Variants in NCK1 observed in about 807,000 individuals in gnomAD.
NCK1 encodes SH2/SH3 adapter protein NCK1.
A neutral mutation model predicts 36.6 loss-of-function variants in NCK1; 19 were observed. That is an observed-to-expected ratio of 0.52 (90% confidence interval 0.36 to 0.76). The LOEUF (loss-of-function observed/expected upper bound fraction) is 0.76. Among genes scored for constraint, NCK1 ranks in the 30% least tolerant of loss-of-function variants. NCK1 has a pLI of 0.00. For synonymous variants in NCK1, 165 were observed against 156.0 expected (o/e 1.06, Z -0.43); for missense variants, 358 against 445.6 (o/e 0.80, Z 1.77).
rs1940881904 is a variant in NCK1, at chr3:136,948,326, A to C, written c.1007A>C (p.Glu336Ala). 1 of 1,612,452 alleles carries C rather than the reference A, an allele frequency of 6.2e-7. No individual in the cohort carries two copies. Among genetic ancestry groups the C allele is most frequent in the African/African-American group, 1.3e-5 (1 of 74,844 alleles). ...KNKHFKVQLKETVYCIGQRKF... is the reference protein window; with the variant it reads ...KNKHFKVQLKATVYCIGQRKF... ...AAGCATTTTAAAGTCCAACTAAAAG[A>C]GACTGTCTACTGCATTGGGCAGCGT... The change falls in exon 4 of 4, where the codon GAG becomes GCG. Residue 336 changes from glutamate to alanine, a missense_variant. Transcript: ENST00000481752.
chr3:136,863,092 A>C (rs1262781413), intron 1 of NCK1, among the ~76,000 whole-genome samples: 2 of 152,066 alleles, frequency 1.3e-5, no homozygotes, highest in African/African-American at 2.4e-5. Context: ...AGGGGTGAGG[A>C]CGTAACCGTA....
At chr3:136,875,933 C>A (rs1938753489) in intron 1 of NCK1, among the ~76,000 whole-genome samples, 1 of 152,000 alleles carries the variant, frequency 6.6e-6, no homozygotes. Flanking sequence ...TATAAAAGAA[C>A]AGAAATTATA....
At chr3:136,933,333 A>G (rs1940442100) in intron 2 of NCK1, among the ~76,000 whole-genome samples, 1 of 152,230 alleles carries the variant, frequency 6.6e-6, no homozygotes, top group Non-Finnish European at 1.5e-5. Flanking sequence ...GCTGGCATCC[A>G]GTATATCAAG....
chr3:136,914,200 G>A (rs534425833), intron 1 of NCK1, among the ~76,000 whole-genome samples: 9 of 152,212 alleles, frequency 5.9e-5, no homozygotes, highest in Non-Finnish European at 1.3e-4. Context: ...AGCGCAATTA[G>A]CTGTCAGAGC....
At chr3:136,907,890 C>T (rs1481905489) in intron 1 of NCK1, among the ~76,000 whole-genome samples, 1 of 152,208 alleles carries the variant, frequency 6.6e-6, no homozygotes, top group Non-Finnish European at 1.5e-5. Context: ...TATGTGGCGT[C>T]AGCCTCAGTC....
chr3:136,864,106 A>C (rs1255513441), intron 1 of NCK1, among the ~76,000 whole-genome samples: 1 of 151,602 alleles, frequency 6.6e-6, no homozygotes, highest in Non-Finnish European at 1.5e-5. Flanking sequence ...GTCTCAAAAA[A>C]ATAAATAAAA....
Position 136,945,874 on chromosome 3 carries a change from G to T in NCK1, c.518G>T (p.Gly173Val). The change falls in exon 3 of 4, where the codon GGT becomes GTT. Residue 173 changes from glycine (G) to valine (V), a missense_variant. Gly to Val is a moderately radical substitution (Grantham distance 109, BLOSUM62 -3). Around this residue, in one of 3 missense-constraint regions of NCK1, gnomAD observed 207 missense variants for 253.4 expected, o/e 0.82. Transcript: ENST00000481752. Reference protein sequence around the residue: ...EGDSPLGDHVGSLSEKLAAVV... With the variant: ...EGDSPLGDHVVSLSEKLAAVV... ...GACAGTCCTTTGGGTGACCATGTGGGTTCTCTGTCAGAGAAATTAGCAGCA... is the reference window on the plus strand; with the variant it reads ...GACAGTCCTTTGGGTGACCATGTGGTTTCTCTGTCAGAGAAATTAGCAGCA... The T allele has an allele frequency of 6.2e-7, 1 of 1,614,104 alleles. No homozygotes were observed. Among genetic ancestry groups the T allele is most frequent in the Non-Finnish European group, 8.5e-7 (1 of 1,180,006 alleles).
At chr3:136,892,369 G>T (rs891989070) in intron 1 of NCK1, among the ~76,000 whole-genome samples, 6 of 152,156 alleles carry the variant, frequency 3.9e-5, no homozygotes, top group African/African-American at 1.4e-4. Flanking sequence ...TTTTGATGAA[G>T]TCCAGTTTGA....
At chr3:136,930,354 C>T (rs1480675160) in intron 2 of NCK1, 21 of 855,068 alleles carry the variant, frequency 2.5e-5, no homozygotes, top group Non-Finnish European at 2.0e-5. Flanking sequence ...TGATTATTTA[C>T]TTGTTATACA....
chr3:136,875,602 A>C (rs975944789), intron 1 of NCK1, among the ~76,000 whole-genome samples: 12 of 152,156 alleles, frequency 7.9e-5, no homozygotes, highest in Non-Finnish European at 1.3e-4. Context: ...CGAAGAGCTA[A>C]CTATCCTAAA....
At chr3:136,931,009 C>CT (rs1181211220) in intron 2 of NCK1, among the ~76,000 whole-genome samples, 7 of 148,446 alleles carry the variant, frequency 4.7e-5, no homozygotes, top group East Asian at 3.9e-4. Context: ...TTTTTGCTTA[C>CT]TTTTTTTTTA....
chr3:136,865,398 C>T (rs1020945131), intron 1 of NCK1, among the ~76,000 whole-genome samples: 27 of 152,164 alleles, frequency 1.8e-4, no homozygotes, highest in African/African-American at 6.3e-4. Flanking sequence ...ATTCATTTTT[C>T]AAAAATTTTC....
Position 136,941,465 on chromosome 3 carries a change from G to A in NCK1, c.227-4118G>A, listed in dbSNP as rs1289663970. On this transcript the variant is annotated intron_variant, in intron 2 of 3. Transcript: ENST00000481752. ...AATATATTGTTTTATTACCCTTCTT[G>A]TTTCTCTTTCTGTATTTTTGTTTTT... 2.0e-5 allele frequency among the ~76,000 whole-genome samples: 3 copies of A among 152,028 alleles called. No homozygotes were observed. The East Asian group carries it at 5.8e-4, about 29-fold the overall frequency.
chr3:136,914,991 T>G (rs962394281), intron 1 of NCK1, among the ~76,000 whole-genome samples: 5 of 152,218 alleles, frequency 3.3e-5, no homozygotes, highest in African/African-American at 4.8e-5. Flanking sequence ...ATGTGATCTG[T>G]GTACATGCTG....
At chr3:136,925,155 T>C (rs951890250) in intron 1 of NCK1, among the ~76,000 whole-genome samples, 1 of 152,216 alleles carries the variant, frequency 6.6e-6, no homozygotes, top group Admixed American at 6.5e-5. Flanking sequence ...AGTAATGTAG[T>C]AGAATGCTAT....
At chr3:136,931,315 C>G (rs1940385060) in intron 2 of NCK1, among the ~76,000 whole-genome samples, 1 of 152,066 alleles carries the variant, frequency 6.6e-6, no homozygotes, top group Admixed American at 6.5e-5. Flanking sequence ...TGAACATTTG[C>G]TTGGTGTTTC....
At chr3:136,918,610 C>A (rs185429077) in intron 1 of NCK1, among the ~76,000 whole-genome samples, 55 of 152,308 alleles carry the variant, frequency 3.6e-4, no homozygotes, top group African/African-American at 1.3e-3. Flanking sequence ...CTGCATGCAG[C>A]CCAGGATGGC....
intron 1 of NCK1, among the ~76,000 whole-genome samples, chr3:136,902,198 T>TTTTTTTTTTTTTTTTTTTTTTTTTG (rs1939561830): frequency 7.6e-6 from 1 of 131,502 alleles, no homozygotes; most frequent in Non-Finnish European, 1.6e-5. Context: ...TTTTTTTTTT[T>TTTTTTTTTTTTTTTTTTTTTTTTTG]TTTTGTTTTT....
chr3:136,948,094 A>G (rs1412225587), intron 3 of NCK1, among the ~76,000 whole-genome samples, 165 bp from the exon 4 acceptor site: 1 of 152,138 alleles, frequency 6.6e-6, no homozygotes, highest in Non-Finnish European at 1.5e-5. Context: ...TCACATGTGT[A>G]AAAAGGGTTT....
Sources: allele counts gnomAD v4.1 joint callset (sites outside exome capture counted in the v4.1 genomes callset), GRCh38; gene constraint gnomAD v4.1.1; regional missense constraint gnomAD v4.1.1; transcripts MANE v1.5; gene names NCBI Gene and HGNC (gene_info 2026-07-23, HGNC 2026-07-21).